SEC22A: variants seen among roughly 807,000 people sequenced by gnomAD.
SEC22A encodes the protein SEC22 homolog A, vesicle trafficking protein.
A neutral mutation model predicts 35.3 loss-of-function variants in SEC22A; 22 were observed. That is an observed-to-expected ratio of 0.62 (90% confidence interval 0.45 to 0.89). The LOEUF is 0.89. Among genes scored for constraint, SEC22A ranks in the 40% least tolerant of loss-of-function variants. The probability of loss-of-function intolerance (pLI) is 0.00; values close to 1 mark genes in which losing one functional copy is unlikely to be tolerated. For missense variants in SEC22A, 354 were observed against 362.5 expected, an observed-to-expected ratio of 0.98 and a Z score of 0.19; for synonymous variants, 119 against 129.5, an observed-to-expected ratio of 0.92 and a Z score of 0.55.
At position 123,201,975 on chromosome 3, in the gene SEC22A, C is replaced by A. The variant is rs1189056726; in HGVS notation, c.-31C>A. ...GGCGCGTCACTCGGAGCGGCGGGTC[C>A]CGTCTCGACAGGTACTCCCCGGCCC... On this transcript the variant is annotated 5_prime_UTR_variant, in exon 1 of 7. Coordinates refer to ENST00000492595, the MANE Select transcript of SEC22A (RefSeq NM_012430.5). 6.6e-6 allele frequency: 1 copy of A among 152,658 alleles called. No individual in the cohort carries two copies. Among genetic ancestry groups the A allele is most frequent in the Non-Finnish European group, 1.5e-5 (1 of 68,098 alleles). 9.5% of individuals were successfully genotyped at this position (152,658 alleles called of 1,614,324 possible).
chr3:123,225,285 A>G lies in SEC22A; in HGVS notation c.529A>G (p.Lys177Glu). 1 of 1,604,110 alleles carries G rather than the reference A, an allele frequency of 6.2e-7. No individual in the cohort carries two copies. Among genetic ancestry groups the G allele is most frequent in the East Asian group, 2.2e-5 (1 of 44,812 alleles). Residue 177 changes from lysine (K) to glutamate (E), a missense_variant, in exon 4 of 7, where the codon AAG becomes GAG. Transcript: ENST00000492595. ...TTCTGTTGACTGTAAAGGTGCTGGT[A>G]AGATTTCTTCTGGTGAGTTCTGGAT... ...AFSVDCKGAG[K>E]ISSAHQRLEP...
At chr3:123,228,480 C>T (rs146767099) in intron 4 of SEC22A, among the ~76,000 whole-genome samples, 3,146 of 147,096 alleles carry the variant, frequency 0.021, 106 homozygotes, top group African/African-American at 0.076. Flanking sequence ...GAGGCTGAGG[C>T]AGGGGAATTG....
intron 1 of SEC22A, among the ~76,000 whole-genome samples, chr3:123,207,828 G>T (rs1211673710): frequency 1.3e-5 from 2 of 152,128 alleles, no homozygotes; most frequent in Non-Finnish European, 2.9e-5. Context: ...AGCAAGAAGA[G>T]AATCCAATAA....
chr3:123,235,020 CAAAAA>C (rs535445052), intron 4 of SEC22A, among the ~76,000 whole-genome samples: 1 of 121,654 alleles, frequency 8.2e-6, no homozygotes, highest in Non-Finnish European at 1.8e-5. Context: ...GACCTTGTCT[CAAAAA>C]AAAAAAAAAA....
At position 123,203,053 on chromosome 3, in the gene SEC22A, C is replaced by CTTTTTTTTTTTT. The variant is rs779433710; in HGVS notation, c.-20+1090_-20+1101dup. Among the ~76,000 whole-genome samples the CTTTTTTTTTTTT allele has an allele frequency of 6.4e-4, 28 of 43,840 alleles. 4 individuals are homozygous for CTTTTTTTTTTTT. The highest frequency in any genetic ancestry group is 1.5e-3 in the African/African-American group (14 of 9,432). 28.8% of individuals were successfully genotyped at this position (43,840 alleles called of 152,430 possible). A position where few individuals can be genotyped will look rare whatever the true frequency, so the allele number is the denominator to read the frequency against. The stretch of plus-strand genomic sequence containing the variant: ...GAAAACCATCACATCTGTTTAGTGC[C>CTTTTTTTTTTTT]TTTTTTTTTTTTTTTTTTTTTTTTT... On this transcript the variant is annotated intron_variant, in intron 1 of 6. Coordinates refer to ENST00000492595, the MANE Select transcript of SEC22A (RefSeq NM_012430.5).
At chr3:123,260,367 T>C (rs1280215503) in intron 6 of SEC22A, among the ~76,000 whole-genome samples, 1 of 152,088 alleles carries the variant, frequency 6.6e-6, no homozygotes, top group East Asian at 1.9e-4. Context: ...GGTTTGGAAT[T>C]ATTACTACAG....
At chr3:123,235,719 A>G (rs7647750) in intron 4 of SEC22A, among the ~76,000 whole-genome samples, 29,920 of 152,142 alleles carry the variant, frequency 0.2, 3,042 homozygotes, top group Middle Eastern at 0.28. Flanking sequence ...ACACAAAAAT[A>G]TGTGTATGAA....
intron 4 of SEC22A, among the ~76,000 whole-genome samples, chr3:123,225,532 T>A (rs1044111254): frequency 3.9e-5 from 6 of 152,190 alleles, no homozygotes; most frequent in Non-Finnish European, 7.3e-5. Flanking sequence ...AACATTTTTT[T>A]AAATTTAAAA....
intron 5 of SEC22A, among the ~76,000 whole-genome samples, chr3:123,247,601 AC>A: frequency 6.6e-6 from 1 of 152,290 alleles, no homozygotes; most frequent in Admixed American, 6.5e-5. Context: ...ACAGGCTAAA[AC>A]CTACCTGGTT....
chr3:123,257,685 C>T (rs1433014585), intron 5 of SEC22A, among the ~76,000 whole-genome samples: 1 of 151,436 alleles, frequency 6.6e-6, no homozygotes, highest in Non-Finnish European at 1.5e-5. Context: ...GGTGATAGAA[C>T]GAGACTCAAT....
At chr3:123,220,841 C>T (rs7612146) in intron 2 of SEC22A, among the ~76,000 whole-genome samples, 28,386 of 128,056 alleles carry the variant, frequency 0.22, 3,005 homozygotes, top group Middle Eastern at 0.34. Context: ...CATTTGGCTG[C>T]CTAGGATGGT....
intron 6 of SEC22A, among the ~76,000 whole-genome samples, chr3:123,263,835 C>A (rs184858971): frequency 2.9e-3 from 447 of 152,098 alleles, no homozygotes; most frequent in African/African-American, 9.9e-3. Context: ...GAGATTCAGC[C>A]AAGTTGTTGC....
chr3:123,263,380 G>A (rs1294222425), intron 6 of SEC22A, among the ~76,000 whole-genome samples: 1 of 152,162 alleles, frequency 6.6e-6, no homozygotes, highest in Admixed American at 6.5e-5. Context: ...CTCCTACATA[G>A]TCATTGATTC....
chr3:123,243,076 C>T (rs958742383), intron 4 of SEC22A, among the ~76,000 whole-genome samples: 2 of 152,118 alleles, frequency 1.3e-5, no homozygotes, highest in African/African-American at 4.8e-5. Flanking sequence ...GACCTTATTT[C>T]TCCCCACTTG....
At chr3:123,228,216 T>C (rs1249123992) in intron 4 of SEC22A, among the ~76,000 whole-genome samples, 1 of 151,878 alleles carries the variant, frequency 6.6e-6, no homozygotes. Context: ...CCCACATTGT[T>C]ACAATATGTT....
At chr3:123,267,583 C>T (rs1406713759) in intron 6 of SEC22A, among the ~76,000 whole-genome samples, 1 of 151,876 alleles carries the variant, frequency 6.6e-6, no homozygotes, top group Non-Finnish European at 1.5e-5. Context: ...TTTTTTTAAC[C>T]ATCAAACATA....
chr3:123,214,605 TAATG>T (rs1435826745), intron 2 of SEC22A, among the ~76,000 whole-genome samples: 3 of 152,244 alleles, frequency 2.0e-5, no homozygotes, highest in Non-Finnish European at 2.9e-5. Context: ...AATGAATTTT[TAATG>T]AATAAACTTA....
At chr3:123,250,566 G>A (rs1937603917) in intron 5 of SEC22A, among the ~76,000 whole-genome samples, 2 of 152,208 alleles carry the variant, frequency 1.3e-5, no homozygotes, top group Admixed American at 1.3e-4. Flanking sequence ...AGTGGATTGG[G>A]CCTTCTCTTC....
chr3:123,233,567 A>G (rs780505760), intron 4 of SEC22A, among the ~76,000 whole-genome samples: 7 of 152,214 alleles, frequency 4.6e-5, no homozygotes, highest in African/African-American at 7.2e-5. Context: ...ATAGAATAAG[A>G]AATGAAAAAC....
Sources: gnomAD v4.1 joint callset for allele counts (sites outside exome capture counted in the v4.1 genomes callset) on GRCh38, gnomAD v4.1.1 for gene constraint, MANE v1.5 for transcripts, NCBI Gene and HGNC (gene_info 2026-07-23, HGNC 2026-07-21) for gene names.